Variants in MSN observed in about 807,000 individuals in gnomAD.
The protein encoded by MSN is moesin.
Under a neutral mutation model 48.0 loss-of-function variants are expected in MSN, and 2 were observed. The observed-to-expected ratio is 0.04, with a 90% CI of 0.02 to 0.13. The LOEUF is 0.13. MSN is among the 10% of genes least tolerant of loss of function. MSN has a pLI of 1.00. For synonymous variants in MSN, 146 were observed against 166.9 expected (o/e 0.87, Z 0.97); for missense variants, 267 against 470.1 (o/e 0.57, Z 3.99).
At chrX:65,656,265 CTGTGTGTGTGTGTG>C (rs3087113) in intron 1 of MSN, among the ~76,000 whole-genome samples, 7 of 92,817 alleles carry the variant, frequency 7.5e-5, no homozygotes, top group East Asian at 3.4e-4. Context: ...AGATCTATGC[CTGTGTGTGTGTGTG>C]TGTGTGTGTG....
chrX:65,689,323 T>C (rs1241364997), intron 1 of MSN, among the ~76,000 whole-genome samples: 1 of 111,916 alleles, frequency 8.9e-6, no homozygotes, highest in Non-Finnish European at 1.9e-5. Context: ...GGTTTTGTTC[T>C]GTGCGGAACT....
chrX:65,670,567 A>C (rs2070921933), intron 1 of MSN, among the ~76,000 whole-genome samples: 1 of 108,628 alleles, frequency 9.2e-6, no homozygotes, highest in African/African-American at 3.4e-5. Flanking sequence ...TACTAAAATT[A>C]CAAAAATTAG....
At chrX:65,689,058 G>A (rs1459134311) in intron 1 of MSN, among the ~76,000 whole-genome samples, 1 of 111,470 alleles carries the variant, frequency 9.0e-6, no homozygotes, top group Non-Finnish European at 1.9e-5. Flanking sequence ...GAGAATCATG[G>A]AAAAGGCACT....
At chrX:65,632,474 A>C (rs2070566358) in intron 1 of MSN, among the ~76,000 whole-genome samples, 1 of 112,641 alleles carries the variant, frequency 8.9e-6, no homozygotes, top group South Asian at 3.6e-4. Flanking sequence ...GTCACACTGT[A>C]GCTGCATTTC....
intron 1 of MSN, among the ~76,000 whole-genome samples, chrX:65,707,432 T>C (rs755411407): frequency 7.1e-5 from 8 of 112,106 alleles, no homozygotes; most frequent in African/African-American, 2.3e-4. Context: ...TTTGTTATTG[T>C]TCCTTCAAAC....
intron 1 of MSN, among the ~76,000 whole-genome samples, chrX:65,715,003 A>C (rs2071449185): frequency 8.9e-6 from 1 of 111,870 alleles, no homozygotes; most frequent in African/African-American, 3.3e-5. Context: ...TATATGTGAG[A>C]TAAGGATGGG....
At chrX:65,709,141 A>G (rs1465739940) in intron 1 of MSN, among the ~76,000 whole-genome samples, 1 of 112,041 alleles carries the variant, frequency 8.9e-6, no homozygotes, top group East Asian at 2.8e-4. Flanking sequence ...TCTCTTGGAT[A>G]TACTGATTTT....
intron 1 of MSN, among the ~76,000 whole-genome samples, chrX:65,675,885 G>A (rs754085598): frequency 1.8e-5 from 2 of 111,653 alleles, no homozygotes; most frequent in Admixed American, 1.9e-4. Flanking sequence ...TGATCCACCC[G>A]CCTCAGCCTC....
At chrX:65,671,693 A>G (rs2070943172) in intron 1 of MSN, among the ~76,000 whole-genome samples, 1 of 111,692 alleles carries the variant, frequency 9.0e-6, no homozygotes, top group African/African-American at 3.3e-5. Context: ...GAGACAGAGC[A>G]GGAACCATCT....
chrX:65,702,767 T>A (rs1174481736), intron 1 of MSN, among the ~76,000 whole-genome samples: 1 of 111,503 alleles, frequency 9.0e-6, no homozygotes, highest in Non-Finnish European at 1.9e-5. Flanking sequence ...GGTTGCAGAC[T>A]TGTGTGTGTT....
chrX:65,691,560 A>G (rs1174975543), intron 1 of MSN, among the ~76,000 whole-genome samples: 1 of 110,609 alleles, frequency 9.0e-6, no homozygotes, highest in Non-Finnish European at 1.9e-5. Flanking sequence ...GCTGGAGTGC[A>G]ATGGTGCAAT....
At position 65,677,641 on chromosome X, in the gene MSN, C is replaced by T. The variant is rs894368001; in HGVS notation, c.12+9788C>T. On this transcript the variant is annotated intron_variant, in intron 1 of 12. Transcript: ENST00000360270. The stretch of plus-strand genomic sequence containing the variant: ...GGCGTGTTGGCGGGAGCCTGTAATC[C>T]CAGCTACTTGGGAGGCTGAGGCAGG... Among the ~76,000 whole-genome samples, 53 of 110,218 alleles carry T rather than the reference C, an allele frequency of 4.8e-4. 1 individual carries two copies. Among genetic ancestry groups the T allele is most frequent in the African/African-American group, 1.5e-3 (46 of 30,194 alleles).
chrX:65,665,936 G>A (rs2070864084), upstream of MSN, among the ~76,000 whole-genome samples: 1 of 112,137 alleles, frequency 8.9e-6, no homozygotes, highest in Non-Finnish European at 1.9e-5. Flanking sequence ...CTCAGACCAT[G>A]CCTTCACATG....
intron 1 of MSN, among the ~76,000 whole-genome samples, chrX:65,602,840 T>C (rs893001908): frequency 8.9e-6 from 1 of 112,140 alleles, no homozygotes; most frequent in African/African-American, 3.2e-5. Context: ...CTCAGATGTG[T>C]CATGTTCATT....
chrX:65,604,463 T>C (rs1349587385), intron 1 of MSN, among the ~76,000 whole-genome samples: 1 of 112,069 alleles, frequency 8.9e-6, no homozygotes, highest in Non-Finnish European at 1.9e-5. Flanking sequence ...GCGGTGTTAA[T>C]AGAGGTTAGG....
chrX:65,711,701 C>G lies in MSN; in HGVS notation c.13-5117C>G, dbSNP rs140137396. ...TCGATATAATTTTGTTATATTGTAT[C>G]TACTTTATTTCATGCATTTACAAAT... On this transcript the variant is annotated intron_variant, in intron 1 of 12. Transcript: ENST00000360270. 2.9e-3 allele frequency among the ~76,000 whole-genome samples: 328 copies of G among 111,390 alleles called. 2 individuals carry two copies. The highest frequency in any genetic ancestry group is 9.4e-3 in the African/African-American group (288 of 30,685).
intron 1 of MSN, among the ~76,000 whole-genome samples, chrX:65,681,420 G>A (rs1419537367): frequency 8.9e-6 from 1 of 111,901 alleles, no homozygotes; most frequent in African/African-American, 3.3e-5. Context: ...CATTTGGTCA[G>A]TAATATACAT....
chrX:65,661,992 T>A (rs1449235893), intron 1 of MSN, among the ~76,000 whole-genome samples: 2 of 112,464 alleles, frequency 1.8e-5, no homozygotes, highest in Non-Finnish European at 3.7e-5. Context: ...ACAGCCTGTG[T>A]GATAGAGCAA....
Position 65,602,951 on chromosome X carries a change from C to T in MSN, c.-22+14339C>T, listed in dbSNP as rs2070249522. On this transcript the variant is annotated intron_variant, in intron 1 of 3. Coordinates refer to the MSN transcript ENST00000609672. Reference sequence around the variant, plus strand: ...GAGACCATATAGAGGAGTCTGATTACCCCTACTGAGGCCAGGGAGGGGAAA... The same window carrying T: ...GAGACCATATAGAGGAGTCTGATTATCCCTACTGAGGCCAGGGAGGGGAAA... Among the ~76,000 whole-genome samples the T allele has an allele frequency of 2.7e-5, 3 of 111,149 alleles. No homozygotes were observed. In the South Asian group the frequency reaches 1.1e-3, roughly 42 times the overall value.
Sources: gnomAD v4.1 joint callset for allele counts (sites outside exome capture counted in the v4.1 genomes callset) on GRCh38, gnomAD v4.1.1 for gene constraint, MANE v1.5 for transcripts, NCBI Gene and HGNC (gene_info 2026-07-23, HGNC 2026-07-21) for gene names.